The following NHSL1 variants were observed in gnomAD, a reference collection of about 807,000 sequenced individuals.
NHSL1 encodes NHS-like protein 1.
In NHSL1, 48 loss-of-function variants were observed where a neutral mutation model predicts 95.0. That is an observed-to-expected ratio of 0.51 (90% confidence interval 0.40 to 0.64). The LOEUF (loss-of-function observed/expected upper bound fraction) is 0.64. NHSL1 is among the 30% of genes least tolerant of loss of function. The pLI, the probability that NHSL1 is intolerant of heterozygous loss-of-function variation, is 0.00. For missense variants in NHSL1, 1,971 were observed against 2,077.7 expected (o/e 0.95, Z 1.00); for synonymous variants, 783 against 833.9 (o/e 0.94, Z 1.05).
chr6:138,627,688 C>T (rs905401204), intron 1 of NHSL1, among the ~76,000 whole-genome samples: 1 of 151,486 alleles, frequency 6.6e-6, no homozygotes, highest in Non-Finnish European at 1.5e-5. Flanking sequence ...TTGAGACCAG[C>T]CTGGCCAACA....
In NHSL1 at chr6:138,430,675, G is replaced by A. The variant is rs1380901379; in HGVS notation, c.3670C>T (p.Leu1224Phe). The A allele has an allele frequency of 6.4e-7, 1 of 1,551,580 alleles. No homozygotes were observed. The highest frequency in any genetic ancestry group is 8.7e-7 in the Non-Finnish European group (1 of 1,147,016). Residue 1224 changes from leucine to phenylalanine, a missense_variant, in exon 6 of 8, where the codon CTC (leucine) becomes TTC (phenylalanine). By Grantham distance (22) the Leu-to-Phe change is conservative. Transcript: ENST00000343505. The surrounding 1 kb of genome is among the most constrained non-coding windows in gnomAD (Gnocchi z 4.7). ...GTCGTGGGGCTGGGCACAGCTCGGAGGGCTTCGCTCACGTTCTCTGCGGGC... is the reference window on the plus strand; with the variant it reads ...GTCGTGGGGCTGGGCACAGCTCGGAAGGCTTCGCTCACGTTCTCTGCGGGC... The part of the protein sequence containing the change: ...VEPAENVSEA[L>F]RAVPSPTTGE...
intron 2 of NHSL1, among the ~76,000 whole-genome samples, chr6:138,494,230 A>T (rs1780225534): frequency 6.6e-6 from 1 of 152,158 alleles, no homozygotes; most frequent in South Asian, 2.1e-4. Context: ...AGTATTTTCC[A>T]CATTGTGTTT....
chr6:138,578,698 CT>C (rs996595955), intron 1 of NHSL1, among the ~76,000 whole-genome samples: 5 of 151,066 alleles, frequency 3.3e-5, no homozygotes, highest in African/African-American at 1.2e-4. Context: ...ACCAGTTTTT[CT>C]TTTTTTTTGT....
At position 138,432,379 on chromosome 6, in the gene NHSL1, C is replaced by G; in HGVS notation, c.1966G>C (p.Asp656His). 6.4e-7 allele frequency: 1 copy of G among 1,552,036 alleles called. No homozygotes were observed. The highest frequency in any genetic ancestry group is 1.2e-5 in the South Asian group (1 of 84,054). Residue 656 changes from aspartate to histidine, a missense_variant, in exon 6 of 8, where the codon GAT becomes CAT. Physicochemically the swap from Asp to His is moderately conservative, Grantham distance 81 (BLOSUM62 -1). Around this residue, in one of 3 missense-constraint regions of NHSL1, gnomAD observed 1,602 missense variants for 1,654.5 expected, o/e 0.97. Coordinates refer to ENST00000343505, the MANE Select transcript of NHSL1 (RefSeq NM_001144060.2). This position sits in a 1 kb window ranked among gnomAD's most constrained non-coding sequence, Gnocchi z 4.4. ...KNQGDRSNYQ[D>H]KSLSRNISLK... Reference sequence around the variant, plus strand: ...GAGATGTTTCTTGATAGGGATTTATCCTGGTAATTGGACCGGTCCCCTTGG... The same window carrying G: ...GAGATGTTTCTTGATAGGGATTTATGCTGGTAATTGGACCGGTCCCCTTGG...
chr6:138,655,789 TA>T (rs1375329671), intron 1 of NHSL1, among the ~76,000 whole-genome samples: 1 of 152,172 alleles, frequency 6.6e-6, no homozygotes, highest in East Asian at 1.9e-4. Context: ...AATAAAAGCA[TA>T]ACATGGCATA....
rs1775656300 is a variant in NHSL1, at chr6:138,431,440, G to T, written c.2905C>A (p.Pro969Thr). The T allele has an allele frequency of 6.4e-7, 1 of 1,551,000 alleles. No homozygotes were observed. Among genetic ancestry groups the T allele is most frequent in the South Asian group, 1.2e-5 (1 of 84,028 alleles). Residue 969 changes from proline (P) to threonine (T), a missense_variant, in exon 6 of 8, where the codon CCT (proline) becomes ACT (threonine). By Grantham distance (38) the Pro-to-Thr change is conservative (BLOSUM62 -1). Transcript: ENST00000343505. The surrounding 1 kb of genome is among the most constrained non-coding windows in gnomAD (Gnocchi z 4.0). ...CSQGSPLPHS[P>T]VFPPPPPEAL... The stretch of plus-strand genomic sequence containing the variant: ...TCTGGCGGCGGAGGGGGGAACACAG[G>T]AGAGTGAGGCAGAGGAGAGCCCTGG...
intron 3 of NHSL1, among the ~76,000 whole-genome samples, chr6:138,472,011 G>C (rs532119054): frequency 6.6e-6 from 1 of 151,870 alleles, no homozygotes. Flanking sequence ...GTGAAACCCC[G>C]TATCTACTGA....
At chr6:138,534,772 G>C (rs1782270204) in intron 1 of NHSL1, among the ~76,000 whole-genome samples, 2 of 152,160 alleles carry the variant, frequency 1.3e-5, no homozygotes, top group African/African-American at 4.8e-5. Flanking sequence ...AAATGAGATG[G>C]GGTGGAACGA....
intron 3 of NHSL1, among the ~76,000 whole-genome samples, chr6:138,469,093 A>G (rs1778583421): frequency 6.6e-6 from 1 of 152,194 alleles, no homozygotes; most frequent in Admixed American, 6.5e-5. Context: ...CTGGCTGTAC[A>G]GCTTGGATGC....
chr6:138,647,873 C>G (rs1166986645), intron 1 of NHSL1, among the ~76,000 whole-genome samples: 1 of 152,152 alleles, frequency 6.6e-6, no homozygotes, highest in African/African-American at 2.4e-5. Flanking sequence ...GCTGGGATTA[C>G]AAGGCGTGAG....
chr6:138,627,482 G>A (rs1470844159), intron 1 of NHSL1, among the ~76,000 whole-genome samples: 2 of 151,970 alleles, frequency 1.3e-5, no homozygotes, highest in Admixed American at 6.6e-5. Flanking sequence ...TCTGTCTCAC[G>A]CACACATCAT....
intron 3 of NHSL1, among the ~76,000 whole-genome samples, chr6:138,458,392 T>C (rs58473280): frequency 0.078 from 11,892 of 151,966 alleles, 1,339 homozygotes; most frequent in African/African-American, 0.25. Flanking sequence ...CCTCCTCTCA[T>C]CCCCCAAAGT....
intron 1 of NHSL1, among the ~76,000 whole-genome samples, chr6:138,585,879 C>CAA (rs776882873): frequency 1.8e-4 from 20 of 112,912 alleles, no homozygotes; most frequent in South Asian, 2.8e-4. Flanking sequence ...CCAGTCTCTA[C>CAA]AAAAAAAAAA....
At chr6:138,441,473 A>G (rs1395104435) in intron 5 of NHSL1, among the ~76,000 whole-genome samples, 1 of 152,252 alleles carries the variant, frequency 6.6e-6, no homozygotes, top group Non-Finnish European at 1.5e-5. Flanking sequence ...CACTGAAAGT[A>G]ATAAAGGCAC....
At chr6:138,498,298 C>T (rs986043969) in intron 1 of NHSL1, among the ~76,000 whole-genome samples, 1 of 152,188 alleles carries the variant, frequency 6.6e-6, no homozygotes, top group African/African-American at 2.4e-5. Context: ...CACCATCAAT[C>T]GCACCATCGG....
At chr6:138,534,780 C>T (rs547253391) in intron 1 of NHSL1, among the ~76,000 whole-genome samples, 5 of 152,218 alleles carry the variant, frequency 3.3e-5, no homozygotes, top group South Asian at 2.1e-4. Context: ...TGGGGTGGAA[C>T]GATCCTCACT....
chr6:138,431,126 C>A lies in NHSL1; in HGVS notation c.3219G>T (p.Leu1073Phe). 1 of 1,551,764 alleles carries A rather than the reference C, an allele frequency of 6.4e-7. No homozygotes were observed. Among genetic ancestry groups the A allele is most frequent in the African/African-American group, 1.4e-5 (1 of 73,154 alleles). ...TCACGGGCCTCAACTGCACCATCTG[C>A]AATGCTTCCGTGGTTATCAGGGGCA... ...PPMPLITTEA[L>F]QMVQLRPVRK... is the part of the protein sequence containing the mutation. Residue 1073 changes from leucine (L) to phenylalanine (F), a missense_variant, in exon 6 of 8, where the codon TTG becomes TTT. This residue lies in a region of NHSL1 where 1,602 missense variants were observed against 1,654.5 expected (regional missense o/e 0.97). Transcript: ENST00000343505. The surrounding 1 kb of genome is among the most constrained non-coding windows in gnomAD (Gnocchi z 4.0).
intron 1 of NHSL1, among the ~76,000 whole-genome samples, chr6:138,599,567 T>C (rs4424103): frequency 0.34 from 50,984 of 152,012 alleles, 8,929 homozygotes; most frequent in Middle Eastern, 0.46. Flanking sequence ...TTATATAACA[T>C]ATGCAGAAAT....
At chr6:138,673,228 T>C (rs1395038790) in intron 1 of NHSL1, among the ~76,000 whole-genome samples, 1 of 152,082 alleles carries the variant, frequency 6.6e-6, no homozygotes, top group Non-Finnish European at 1.5e-5. Context: ...ATACTCACTT[T>C]TAGCTATTCA....
Sources: allele counts gnomAD v4.1 joint callset (sites outside exome capture counted in the v4.1 genomes callset), GRCh38; gene constraint gnomAD v4.1.1; regional missense constraint gnomAD v4.1.1; non-coding constraint Gnocchi (gnomAD v3.1); transcripts MANE v1.5; gene names NCBI Gene and HGNC (gene_info 2026-07-23, HGNC 2026-07-21).